LIMS1: variants seen among roughly 807,000 people sequenced by gnomAD.
LIMS1 encodes the protein LIM and senescent cell antigen-like-containing domain protein 1.
A neutral mutation model predicts 44.1 loss-of-function variants in LIMS1; 18 were observed. That is an observed-to-expected ratio of 0.41 (90% CI 0.28 to 0.61). LIMS1 has a LOEUF of 0.61. LIMS1 is among the 20% of genes least tolerant of loss of function. LIMS1 has a pLI of 0.32. For synonymous variants in LIMS1, 93 were observed against 149.1 expected (o/e 0.62, Z 2.74); for missense variants, 201 against 422.0 (o/e 0.48, Z 4.59).
chr2:108,619,778 T>G (rs1337120487), intron 1 of LIMS1, among the ~76,000 whole-genome samples: 3 of 152,208 alleles, frequency 2.0e-5, no homozygotes, highest in African/African-American at 7.2e-5. Flanking sequence ...GTTTGGTATT[T>G]AAATCTTCTA....
At position 108,653,219 on chromosome 2, in the gene LIMS1, T is replaced by G. The variant is rs879398825; in HGVS notation, c.33-6386T>G. Among the ~76,000 whole-genome samples, 153 of 151,066 alleles carry G rather than the reference T, an allele frequency of 1.0e-3. 1 individual carries two copies. Among genetic ancestry groups the G allele is most frequent in the Non-Finnish European group, 1.8e-3 (122 of 67,756 alleles). On this transcript the variant is annotated intron_variant, in intron 1 of 9. Transcript: ENST00000544547. ...TAATTATGTTTAACATTTTCTCACA[T>G]AGGGATTAACAACATAGGCTCTGGA...
chr2:108,598,162 A>G (rs1466762509), intron 1 of LIMS1, among the ~76,000 whole-genome samples: 2 of 151,332 alleles, frequency 1.3e-5, no homozygotes, highest in African/African-American at 2.4e-5. Flanking sequence ...CATCCCTACA[A>G]CTGCAGCGTG....
intron 1 of LIMS1, among the ~76,000 whole-genome samples, chr2:108,656,350 GATAC>G: frequency 6.6e-6 from 1 of 150,860 alleles, no homozygotes; most frequent in Non-Finnish European, 1.5e-5. Flanking sequence ...TAGATAGATA[GATAC>G]TCCCCCACTT....
intron 1 of LIMS1, among the ~76,000 whole-genome samples, chr2:108,629,123 A>T (rs1688751217): frequency 6.6e-6 from 1 of 152,176 alleles, no homozygotes; most frequent in Non-Finnish European, 1.5e-5. Flanking sequence ...TTGGGAGGAA[A>T]TGGTACATTT....
intron 1 of LIMS1, among the ~76,000 whole-genome samples, chr2:108,598,349 C>T (rs1686825639): frequency 6.6e-6 from 1 of 152,096 alleles, no homozygotes; most frequent in Non-Finnish European, 1.5e-5. Flanking sequence ...TGATTTGAGA[C>T]TTTTTGTTGT....
chr2:108,657,706 CA>C (rs1485981999), intron 1 of LIMS1, among the ~76,000 whole-genome samples: 2 of 152,306 alleles, frequency 1.3e-5, no homozygotes, highest in African/African-American at 2.4e-5. Context: ...GTTTACTGAG[CA>C]GTGAAGCTGC....
intron 1 of LIMS1, among the ~76,000 whole-genome samples, chr2:108,627,995 C>G (rs141551024): frequency 1.3e-5 from 2 of 152,174 alleles, no homozygotes; most frequent in African/African-American, 4.8e-5. Flanking sequence ...AGTCAGAAAC[C>G]AGCGTGTCAG....
At chr2:108,538,919 G>T (rs1288307442) in intron 1 of LIMS1, among the ~76,000 whole-genome samples, 1 of 152,170 alleles carries the variant, frequency 6.6e-6, no homozygotes, top group African/African-American at 2.4e-5. Flanking sequence ...TTAGAGCGGT[G>T]TATCTGGGTT....
At chr2:108,681,277 T>G in intron 9 of LIMS1, 1 of 985,446 alleles carries the variant, frequency 1.0e-6, no homozygotes, top group Non-Finnish European at 1.2e-6. Flanking sequence ...ATTTGTCCTA[T>G]GTAGAACTGG....
At chr2:108,680,184 C>A (rs577622445) in intron 8 of LIMS1, among the ~76,000 whole-genome samples, 2 of 151,678 alleles carry the variant, frequency 1.3e-5, no homozygotes, top group Non-Finnish European at 2.9e-5. Context: ...TCTTGGCCAA[C>A]ATGGTGAAAT....
intron 1 of LIMS1, among the ~76,000 whole-genome samples, chr2:108,622,319 T>A (rs573348594): frequency 6.6e-6 from 1 of 152,222 alleles, no homozygotes; most frequent in African/African-American, 2.4e-5. Context: ...ACTATTGTTC[T>A]TTTTCCTACA....
At chr2:108,611,198 A>G (rs1243100162) in intron 1 of LIMS1, among the ~76,000 whole-genome samples, 1 of 152,182 alleles carries the variant, frequency 6.6e-6, no homozygotes, top group Non-Finnish European at 1.5e-5. Context: ...TACACTTTCT[A>G]TGTCTTGTCT....
intron 1 of LIMS1, among the ~76,000 whole-genome samples, chr2:108,568,068 C>T (rs980015496): frequency 6.6e-5 from 10 of 152,134 alleles, no homozygotes; most frequent in African/African-American, 2.4e-4. Context: ...TATTTCAGTG[C>T]TTAATATTAG....
Position 108,670,968 on chromosome 2 carries a change from C to T in LIMS1, c.259+121C>T, listed in dbSNP as rs1460744572. 35 of 1,084,906 alleles carry T rather than the reference C, an allele frequency of 3.2e-5. No homozygotes were observed. In the East Asian group the frequency reaches 6.0e-4, roughly 19 times the overall value. 67.2% of individuals were successfully genotyped at this position (1,084,906 alleles called of 1,614,324 possible). A position where few individuals can be genotyped will look rare whatever the true frequency, so the allele number is the denominator to read the frequency against. ...GGAGGATCACCTGAGGTCAGGAATT[C>T]GAGACCAGCCTGGCCAACGTAGGGA... On this transcript the variant is annotated intron_variant, in intron 3 of 9. Coordinates refer to ENST00000544547, the Ensembl canonical transcript of LIMS1.
intron 1 of LIMS1, among the ~76,000 whole-genome samples, chr2:108,651,158 T>A (rs1263339522): frequency 1.3e-5 from 2 of 152,204 alleles, no homozygotes; most frequent in African/African-American, 4.8e-5. Context: ...AGGACATGTC[T>A]GAGCCTCCTG....
Position 108,644,829 on chromosome 2 carries a change from C to T in LIMS1, c.33-14776C>T, listed in dbSNP as rs186070223. On this transcript the variant is annotated intron_variant, in intron 1 of 9. Transcript: ENST00000544547. ...AATGGTCTGATGGAGCTGAAAAACA[C>T]AGTACAAGAACTTCATGAAGCACAC... is the stretch of plus-strand genomic sequence containing the variant. Among the ~76,000 whole-genome samples the T allele has an allele frequency of 4.6e-5, 7 of 151,888 alleles. No individual in the cohort carries two copies. In the East Asian group the frequency reaches 1.2e-3, roughly 25 times the overall value.
chr2:108,638,329 G>A (rs1040951285), intron 1 of LIMS1, among the ~76,000 whole-genome samples: 2 of 152,258 alleles, frequency 1.3e-5, no homozygotes, highest in African/African-American at 2.4e-5. Flanking sequence ...GGGTAGGGAC[G>A]CAGCTCACCA....
At position 108,600,918 on chromosome 2, in the gene LIMS1, C is replaced by G. The variant is rs149057527; in HGVS notation, c.33-58687C>G. ...CTTCTCTTCTCTTCTCTTCTCTTCT[C>G]TTCTCTTCTCTTCTCTTTTTTCTTC... On this transcript the variant is annotated intron_variant, in intron 1 of 9. Transcript: ENST00000544547. Among the ~76,000 whole-genome samples, 1,081 of 147,612 alleles carry G rather than the reference C, an allele frequency of 7.3e-3. 15 individuals are homozygous for G. Among genetic ancestry groups the G allele is most frequent in the African/African-American group, 0.026 (1,027 of 38,826 alleles).
intron 1 of LIMS1, chr2:108,657,829 A>G (rs2148962569): frequency 6.6e-6 from 1 of 152,432 alleles, no homozygotes; most frequent in Admixed American, 6.5e-5. Context: ...GTGTGTCTGC[A>G]CGCAGTTATT....
Sources: gnomAD v4.1 joint callset for allele counts (sites outside exome capture counted in the v4.1 genomes callset) on GRCh38, gnomAD v4.1.1 for gene constraint, MANE v1.5 for transcripts, NCBI Gene and HGNC (gene_info 2026-07-23, HGNC 2026-07-21) for gene names.